The following SOCS4 variants were observed in gnomAD, a reference collection of about 807,000 sequenced individuals.
The protein encoded by SOCS4 is SH2 domain containing SOCS box protein.
SOCS4 carries 20 observed loss-of-function variants against 34.1 expected under a neutral mutation model. That is an observed-to-expected ratio of 0.59 (90% CI 0.41 to 0.85). The LOEUF (loss-of-function observed/expected upper bound fraction) is 0.85, where lower values mean the gene tolerates loss of function less well. Among genes scored for constraint, SOCS4 ranks in the 40% least tolerant of loss-of-function variants. SOCS4 has a pLI of 0.00. For missense variants in SOCS4, 479 were observed against 532.4 expected, an observed-to-expected ratio of 0.90 and a Z score of 0.99; for synonymous variants, 180 against 186.4, an observed-to-expected ratio of 0.97 and a Z score of 0.28.
Position 55,044,451 on chromosome 14 carries a change from CA to C in SOCS4, c.*90del. On this transcript the variant is annotated 3_prime_UTR_variant, in exon 3 of 3. Transcript: ENST00000555846. ...TTTTATGCCACTTTGGATTTTTCTA[CA>C]AAGGCAGTGGTGTCCAAAATAAAAT... 3.9e-6 allele frequency: 4 copies of C among 1,034,536 alleles called. No homozygotes were observed. Among genetic ancestry groups the C allele is most frequent in the Non-Finnish European group, 5.1e-6 (4 of 786,852 alleles). 64.1% of individuals were successfully genotyped at this position (1,034,536 alleles called of 1,614,324 possible).
intron 2 of SOCS4, among the ~76,000 whole-genome samples, chr14:55,036,280 T>G (rs1221058428): frequency 6.6e-6 from 1 of 152,212 alleles, no homozygotes; most frequent in Non-Finnish European, 1.5e-5. Flanking sequence ...AATAATGTAC[T>G]TTGATGTTGA....
rs1257335900 is a variant in SOCS4 at position 55,046,793 on chromosome 14, A to T, written c.*2429A>T. ...AAGTTTGGAAAGTAGATACATAAAG[A>T]CTTGAGAAGGGAATTGTTTAAGGGA... is the stretch of plus-strand genomic sequence containing the variant. On this transcript the variant is annotated 3_prime_UTR_variant, in exon 3 of 3. Coordinates refer to ENST00000555846, the MANE Select transcript of SOCS4 (RefSeq NM_199421.2). The T allele has an allele frequency of 6.0e-6, 1 of 167,008 alleles. No homozygotes were observed. The highest frequency in any genetic ancestry group is 1.5e-5 in the Non-Finnish European group (1 of 68,068). 10.3% of individuals were successfully genotyped at this position (167,008 alleles called of 1,614,324 possible).
At chr14:55,029,474 C>A (rs552301674) in intron 1 of SOCS4, among the ~76,000 whole-genome samples, 1 of 152,236 alleles carries the variant, frequency 6.6e-6, no homozygotes, top group Admixed American at 6.5e-5. Context: ...CCCTTAGACT[C>A]ACAAATATTT....
At chr14:55,036,248 A>G (rs2042571310) in intron 2 of SOCS4, among the ~76,000 whole-genome samples, 1 of 152,010 alleles carries the variant, frequency 6.6e-6, no homozygotes, top group Admixed American at 6.5e-5. Flanking sequence ...TCTCCTCTTT[A>G]TCTCTAGGCT....
rs1311207569 is a variant in SOCS4, at chr14:55,043,502, T to C, written c.461T>C (p.Ile154Thr). The change falls in exon 3 of 3, where the codon ATA becomes ACA. Residue 154 changes from isoleucine to threonine, a missense_variant. By Grantham distance (89) the Ile-to-Thr change is moderately conservative (BLOSUM62 -1). Coordinates refer to ENST00000555846, the MANE Select transcript of SOCS4 (RefSeq NM_199421.2). ...WHFIKRHTAP[I>T]NSKSDEWVST... ...TTTATTAAACGACACACTGCTCCTA[T>C]AAATTCCAAATCAGATGAATGGGTA... 1 of 1,614,086 alleles carries C rather than the reference T, an allele frequency of 6.2e-7. No individual in the cohort carries two copies. The highest frequency in any genetic ancestry group is 8.5e-7 in the Non-Finnish European group (1 of 1,180,044).
At chr14:55,036,316 C>G (rs1023013875) in intron 2 of SOCS4, among the ~76,000 whole-genome samples, 1 of 151,410 alleles carries the variant, frequency 6.6e-6, no homozygotes, top group African/African-American at 2.4e-5. Context: ...ATGGAGGTGC[C>G]TGTCCTTTAG....
At chr14:55,034,439 A>C (rs2042554776) in intron 2 of SOCS4, among the ~76,000 whole-genome samples, 1 of 152,232 alleles carries the variant, frequency 6.6e-6, no homozygotes, top group African/African-American at 2.4e-5. Context: ...TAAAAGTAGG[A>C]CTTCTTGAGC....
At chr14:55,027,714 G>T (rs1006683112) in intron 1 of SOCS4, 1 of 152,116 alleles carries the variant, frequency 6.6e-6, no homozygotes, top group African/African-American at 2.4e-5. Flanking sequence ...GATAAAGAAG[G>T]AATGACTTAA....
Position 55,047,717 on chromosome 14 carries a change from T to C in SOCS4, c.*3353T>C, listed in dbSNP as rs2042689406. 1.2e-5 allele frequency: 2 copies of C among 167,062 alleles called. No individual in the cohort carries two copies. The allele number at this position is 167,062 out of a possible 1,614,324, so 10.3% of individuals were successfully genotyped here. A position where few individuals can be genotyped will look rare whatever the true frequency, so the allele number is the denominator to read the frequency against. ...CAGTAATTAGAAATCCCTTAATAAG[T>C]AGAACAAATGTGGCAAGTAGGACTC... On this transcript the variant is annotated 3_prime_UTR_variant, in exon 3 of 3. Transcript: ENST00000555846.
chr14:55,033,881 C>G (rs1055019281), intron 2 of SOCS4, among the ~76,000 whole-genome samples: 1 of 152,172 alleles, frequency 6.6e-6, no homozygotes, highest in Non-Finnish European at 1.5e-5. Flanking sequence ...GCCTGTAATT[C>G]CAGCACTTTG....
At chr14:55,041,375 A>G (rs1271146241) in intron 2 of SOCS4, among the ~76,000 whole-genome samples, 1 of 152,218 alleles carries the variant, frequency 6.6e-6, no homozygotes, top group Non-Finnish European at 1.5e-5. Context: ...AGACAATCAT[A>G]TCAGACTGTT....
At chr14:55,040,892 G>GTTTT (rs746911549) in intron 2 of SOCS4, among the ~76,000 whole-genome samples, 1 of 138,942 alleles carries the variant, frequency 7.2e-6, no homozygotes, top group Non-Finnish European at 1.6e-5. Flanking sequence ...TCACCAGATG[G>GTTTT]TTTTTTTTTT....
At chr14:55,033,130 GAAC>G (rs367573955) in intron 2 of SOCS4, among the ~76,000 whole-genome samples, 192 of 152,084 alleles carry the variant, frequency 1.3e-3, no homozygotes, top group African/African-American at 4.5e-3. Flanking sequence ...AGGCTATCTG[GAAC>G]AACTTGTTCG....
chr14:55,038,338 A>G (rs1436185961), intron 2 of SOCS4, among the ~76,000 whole-genome samples: 1 of 152,212 alleles, frequency 6.6e-6, no homozygotes, highest in Non-Finnish European at 1.5e-5. Context: ...TTCATAGTTT[A>G]GAGTGTACAG....
intron 2 of SOCS4, among the ~76,000 whole-genome samples, chr14:55,037,218 C>T (rs1308115312): frequency 1.3e-5 from 2 of 151,406 alleles, no homozygotes; most frequent in African/African-American, 2.4e-5. Context: ...GATCTCGGCT[C>T]ACCACAGCCT....
chr14:55,044,521 C>A lies in SOCS4; in HGVS notation c.*157C>A, dbSNP rs1421894067. 1.1e-5 allele frequency: 5 copies of A among 452,628 alleles called. No individual in the cohort carries two copies. Among genetic ancestry groups the A allele is most frequent in the Non-Finnish European group, 1.5e-5 (4 of 274,024 alleles). The allele number at this position is 452,628 out of a possible 1,614,324, so 28.0% of individuals were successfully genotyped here. On this transcript the variant is annotated 3_prime_UTR_variant, in exon 3 of 3. Coordinates refer to ENST00000555846, the MANE Select transcript of SOCS4 (RefSeq NM_199421.2). The stretch of plus-strand genomic sequence containing the variant: ...TAATAAATCCATTTTTCTAGTGATA[C>A]ACAAATTGTTTAAGGTTATACACTC...
chr14:55,031,702 A>G (rs1304457233), intron 1 of SOCS4, among the ~76,000 whole-genome samples, 161 bp from the exon 2 acceptor site: 8 of 152,236 alleles, frequency 5.3e-5, no homozygotes. Context: ...ATTAAGTCCC[A>G]TGAGCCCTGG....
chr14:55,033,860 C>T (rs1325598032), intron 2 of SOCS4, among the ~76,000 whole-genome samples: 2 of 152,164 alleles, frequency 1.3e-5, no homozygotes, highest in South Asian at 2.1e-4. Flanking sequence ...AAGCTGGGCA[C>T]GGTGGCGCAT....
intron 2 of SOCS4, among the ~76,000 whole-genome samples, chr14:55,041,781 A>ATTTTTTTTTTTTTTT (rs2042620490): frequency 2.7e-5 from 2 of 72,874 alleles, no homozygotes; most frequent in African/African-American, 5.9e-5. Context: ...CCAACCCTTA[A>ATTTTTTTTTTTTTTT]TCTTTTTTTT....
Sources: gnomAD v4.1 joint callset for allele counts (sites outside exome capture counted in the v4.1 genomes callset) on GRCh38, gnomAD v4.1.1 for gene constraint, MANE v1.5 for transcripts, NCBI Gene and HGNC (gene_info 2026-07-23, HGNC 2026-07-21) for gene names.